The following SLC12A7 variants were observed in gnomAD, a reference collection of about 807,000 sequenced individuals.
SLC12A7 encodes the protein solute carrier family 12 member 7, also known as K-Cl cotransporter 4.
SLC12A7 carries 100 observed loss-of-function variants against 120.6 expected under a neutral mutation model. The observed-to-expected ratio is 0.83, with a 90% CI of 0.71 to 0.98. The LOEUF is 0.98. Among genes scored for constraint, SLC12A7 ranks in the 50% least tolerant of loss-of-function variants. The pLI is 0.00. For missense variants in SLC12A7, 1,373 were observed against 1,548.1 expected, an observed-to-expected ratio of 0.89 and a Z score of 1.90; for synonymous variants, 760 against 678.0, an observed-to-expected ratio of 1.12 and a Z score of -1.88.
chr5:1,059,559 G>A (rs900276199), intron 21 of SLC12A7, among the ~76,000 whole-genome samples: 1 of 152,230 alleles, frequency 6.6e-6, no homozygotes, highest in African/African-American at 2.4e-5. Flanking sequence ...GCTACCAGGT[G>A]ACCCCCGTGC....
chr5:1,086,937 GC>G lies in SLC12A7; in HGVS notation c.640del (p.Ala214ProfsTer12). 1 of 1,612,848 alleles carries G rather than the reference GC, an allele frequency of 6.2e-7. No individual in the cohort carries two copies. Among genetic ancestry groups the G allele is most frequent in the Non-Finnish European group, 8.5e-7 (1 of 1,179,978 alleles). On this transcript the variant is annotated frameshift_variant, in exon 6 of 24. Transcript: ENST00000264930. LOFTEE classifies it high-confidence loss of function. Reference protein sequence around the residue: ...CFYLGTTFAGAMYILGTIEIF... With the variant: ...CFYLGTTFAGXMYILGTIEIF... ...CTCGATGGTCCCCAAAATATACATGGCCCCTGCAAACGTCGTGCCCAGGTAG... is the reference window on the plus strand; with the variant it reads ...CTCGATGGTCCCCAAAATATACATGGCCCTGCAAACGTCGTGCCCAGGTAG...
chr5:1,094,308 G>T, intron 1 of SLC12A7, 60 bp from the exon 2 acceptor site: 2 of 1,235,788 alleles, frequency 1.6e-6, no homozygotes, highest in Non-Finnish European at 1.2e-6. Context: ...AGCACAGAAG[G>T]CCAACTACAG....
chr5:1,109,695 G>A (rs1013118761), intron 1 of SLC12A7, among the ~76,000 whole-genome samples: 1 of 152,162 alleles, frequency 6.6e-6, no homozygotes, highest in African/African-American at 2.4e-5. Context: ...CCCAGGCTGG[G>A]GACACCAAGG....
At chr5:1,064,647 C>CGGCGAGGAGACAGTGAAGGGAT (rs1736723688) in intron 18 of SLC12A7, among the ~76,000 whole-genome samples, 1 of 149,664 alleles carries the variant, frequency 6.7e-6, no homozygotes, top group Non-Finnish European at 1.5e-5. Context: ...ACAGAGGGGA[C>CGGCGAGGAGACAGTGAAGGGAT]GGCGAGGAGA....
At position 1,064,115 on chromosome 5, in the gene SLC12A7, T is replaced by C. The variant is rs144435869; in HGVS notation, c.2575A>G (p.Met859Val). 13 of 1,609,692 alleles carry C rather than the reference T, an allele frequency of 8.1e-6. No homozygotes were observed. Among genetic ancestry groups the C allele is most frequent in the East Asian group, 6.7e-5 (3 of 44,722 alleles). ...WWIVHDGGML[M>V]LLPFLLRQHK... ...TGGCGCAGCAGGAAGGGCAGCAGCA[T>C]GAGCATGCCGCCGTCGTGCACGATC... The change falls in exon 19 of 24, where the codon ATG becomes GTG. Residue 859 changes from methionine to valine, a missense_variant. Physicochemically the swap from Met to Val is conservative, Grantham distance 21 (BLOSUM62 1). Coordinates refer to ENST00000264930, the MANE Select transcript of SLC12A7 (RefSeq NM_006598.3).
At chr5:1,112,106 C>T (rs1743070795), upstream of SLC12A7, 5 of 1,133,342 alleles carry the variant, frequency 4.4e-6, no homozygotes, top group Admixed American at 4.5e-5. Context: ...CCGCCCCGCC[C>T]GGGCCACGTG....
intron 20 of SLC12A7, among the ~76,000 whole-genome samples, chr5:1,062,081 G>C (rs1179781246): frequency 6.6e-6 from 1 of 151,828 alleles, no homozygotes. Flanking sequence ...CTGGGAGCAT[G>C]GGGGGTGCTG....
At chr5:1,112,786 T>A (rs1257231591), upstream of SLC12A7, among the ~76,000 whole-genome samples, 1 of 148,890 alleles carries the variant, frequency 6.7e-6, no homozygotes, top group Non-Finnish European at 1.5e-5. Flanking sequence ...GCAACTCCAG[T>A]GGAAGGAGCC....
chr5:1,079,274 G>C (rs770630315), intron 10 of SLC12A7, 124 bp downstream of exon 10: 26 of 741,752 alleles, frequency 3.5e-5, no homozygotes, highest in East Asian at 7.5e-5. Context: ...GACGTGGTGA[G>C]AGCACAGCCT....
chr5:1,085,300 G>T lies in SLC12A7; in HGVS notation c.849C>A (p.Cys283Ter). Residue 283 changes from cysteine (C) to a stop codon, truncating the protein, a stop_gained, in exon 7 of 24, where the codon TGC becomes TGA. Transcript: ENST00000264930. LOFTEE classifies it high-confidence loss of function. ...VNKLALVFLA[C>*]VVLSILAIYA... ...AGATGGCCAGGATGGACAGCACGAC[G>T]CAGGCCAGGAAGACCAGCGCCAGCT... is the stretch of plus-strand genomic sequence containing the variant. 6.2e-7 allele frequency: 1 copy of T among 1,612,482 alleles called. No individual in the cohort carries two copies. The highest frequency in any genetic ancestry group is 1.1e-5 in the South Asian group (1 of 91,016).
chr5:1,149,621 T>C, the SLC12A7 span, among the ~76,000 whole-genome samples: 1 of 152,162 alleles, frequency 6.6e-6, no homozygotes, highest in African/African-American at 2.4e-5. Flanking sequence ...GCCATTCAAA[T>C]AGTTGTGAAG....
At chr5:1,082,060 G>A (rs1393824421) in intron 8 of SLC12A7, among the ~76,000 whole-genome samples, 16 of 64,268 alleles carry the variant, frequency 2.5e-4, no homozygotes, top group African/African-American at 1.1e-3. Context: ...TGGAAAGCCT[G>A]GGCTTCCCAT....
At chr5:1,120,957 A>T in the SLC12A7 span, among the ~76,000 whole-genome samples, 3 of 152,188 alleles carry the variant, frequency 2.0e-5, no homozygotes, top group African/African-American at 7.2e-5. Flanking sequence ...CCCGGCAAAG[A>T]TTTAAGATGT....
In SLC12A7 at chr5:1,063,893, A is replaced by T; in HGVS notation, c.2690T>A (p.Met897Lys). 6.2e-7 allele frequency: 1 copy of T among 1,611,136 alleles called. No individual in the cohort carries two copies. The highest frequency in any genetic ancestry group is 1.3e-5 in the African/African-American group (1 of 74,356). The change falls in exon 20 of 24, where the codon ATG becomes AAG. Residue 897 changes from methionine to lysine, a missense_variant. Physicochemically the swap from Met to Lys is moderately conservative, Grantham distance 95. Coordinates refer to ENST00000264930, the MANE Select transcript of SLC12A7 (RefSeq NM_006598.3). Reference protein sequence around the residue: ...NSIQMKKDLQMFLYHLRISAE... With the variant: ...NSIQMKKDLQKFLYHLRISAE... ...GCTGATGCGCAAGTGGTACAAGAAC[A>T]TCTGCAGGTCCTTCTTCATCTGGAT... is the stretch of plus-strand genomic sequence containing the variant.
At chr5:1,119,055 C>T in the SLC12A7 span, among the ~76,000 whole-genome samples, 1 of 152,214 alleles carries the variant, frequency 6.6e-6, no homozygotes, top group African/African-American at 2.4e-5. Flanking sequence ...TTTGTGGCCC[C>T]GCATCTGGTG....
intron 8 of SLC12A7, among the ~76,000 whole-genome samples, chr5:1,082,309 C>A (rs1281973195): frequency 1.4e-5 from 2 of 148,094 alleles, no homozygotes; most frequent in African/African-American, 2.5e-5. Context: ...GCCTGGGCTT[C>A]CTCTCTAGGG....
chr5:1,083,276 G>A (rs916879782), intron 8 of SLC12A7, among the ~76,000 whole-genome samples: 3 of 150,854 alleles, frequency 2.0e-5, no homozygotes, highest in East Asian at 2.0e-4. Context: ...TGGGCTTCCC[G>A]TCTCGGGTTC....
intron 22 of SLC12A7, among the ~76,000 whole-genome samples, chr5:1,053,832 G>A (rs566838792): frequency 2.6e-5 from 4 of 152,342 alleles, no homozygotes; most frequent in South Asian, 2.1e-4. Context: ...AGTGGAAGCC[G>A]TCTGGGTGGC....
At chr5:1,112,216 G>A (rs1339867054), upstream of SLC12A7, among the ~76,000 whole-genome samples, 1 of 151,996 alleles carries the variant, frequency 6.6e-6, no homozygotes, top group East Asian at 2.0e-4. Flanking sequence ...GCCGCGACCC[G>A]GGACGCGGGG....
Sources: gnomAD v4.1 joint callset for allele counts (sites outside exome capture counted in the v4.1 genomes callset) on GRCh38, gnomAD v4.1.1 for gene constraint, MANE v1.5 for transcripts, NCBI Gene and HGNC (gene_info 2026-07-23, HGNC 2026-07-21) for gene names.